Variants in MTA3 observed in about 807,000 individuals in gnomAD.
MTA3 encodes metastasis associated 1 family member 3, also known as metastasis-associated protein MTA3.
MTA3 carries 34 observed loss-of-function variants against 83.5 expected under a neutral mutation model. The ratio of observed to expected loss-of-function variants is 0.41; its 90% CI spans 0.31 to 0.54. MTA3 has a LOEUF of 0.54. Ranked by LOEUF, MTA3 falls within the 20% of genes least tolerant of loss-of-function variation. The probability of loss-of-function intolerance (pLI) is 0.33; values close to 1 mark genes in which losing one functional copy is unlikely to be tolerated. For missense variants in MTA3, 761 were observed against 726.4 expected (o/e 1.05, Z -0.55); for synonymous variants, 303 against 252.7 (o/e 1.20, Z -1.89).
intron 9 of MTA3, among the ~76,000 whole-genome samples, chr2:42,684,263 ATCTT>A (rs1459822013): frequency 6.6e-6 from 1 of 152,216 alleles, no homozygotes; most frequent in African/African-American, 2.4e-5. Flanking sequence ...TGAAAATAGA[ATCTT>A]TATAGACCAT....
chr2:42,537,932 AATG>A (rs1474707436), intron 2 of MTA3, among the ~76,000 whole-genome samples: 1 of 152,084 alleles, frequency 6.6e-6, no homozygotes, highest in African/African-American at 2.4e-5. Context: ...AGCAAATAAC[AATG>A]ATAATTTTGA....
At chr2:42,707,855 C>G in intron 12 of MTA3, 48 bp from the exon 13 acceptor site, 1 of 1,455,522 alleles carries the variant, frequency 6.9e-7, no homozygotes, top group Non-Finnish European at 9.1e-7. Context: ...GTTGATGTTA[C>G]AAATTAAATA....
At chr2:42,713,175 G>C (rs1666762256) in intron 14 of MTA3, among the ~76,000 whole-genome samples, 1 of 152,152 alleles carries the variant, frequency 6.6e-6, no homozygotes. Flanking sequence ...AAGTGGTTTG[G>C]GCTGATAACA....
intron 2 of MTA3, among the ~76,000 whole-genome samples, chr2:42,571,449 G>T (rs919745121): frequency 6.7e-6 from 1 of 148,906 alleles, no homozygotes; most frequent in Non-Finnish European, 1.5e-5. Context: ...TCTGAATTCC[G>T]AATATTCTTT....
At chr2:42,712,320 C>T (rs192851858) in intron 14 of MTA3, among the ~76,000 whole-genome samples, 23 of 151,738 alleles carry the variant, frequency 1.5e-4, no homozygotes, top group Non-Finnish European at 3.4e-4. Flanking sequence ...TTTTAAGAGA[C>T]GGTCTTGCTC....
At chr2:42,589,805 T>C (rs1185053012) in intron 3 of MTA3, among the ~76,000 whole-genome samples, 1 of 152,196 alleles carries the variant, frequency 6.6e-6, no homozygotes, top group East Asian at 1.9e-4. Flanking sequence ...GTGAAACTTT[T>C]TGATATCTGG....
At chr2:42,656,489 A>C (rs1689183264) in intron 7 of MTA3, among the ~76,000 whole-genome samples, 187 bp downstream of exon 7, 1 of 152,176 alleles carries the variant, frequency 6.6e-6, no homozygotes, top group African/African-American at 2.4e-5. Context: ...TTAAATGAAA[A>C]TAGTTGTATT....
chr2:42,531,202 G>A (rs1457969000), intron 2 of MTA3, among the ~76,000 whole-genome samples: 1 of 152,112 alleles, frequency 6.6e-6, no homozygotes, highest in African/African-American at 2.4e-5. Flanking sequence ...AAACCTGCCA[G>A]CACCTTTACC....
chr2:42,712,397 A>G lies in MTA3; in HGVS notation c.1525+3301A>G, dbSNP rs376792464. 1.6e-4 allele frequency among the ~76,000 whole-genome samples: 25 copies of G among 152,118 alleles called. No individual in the cohort carries two copies. The East Asian group carries it at 2.1e-3, about 13-fold the overall frequency. On this transcript the variant is annotated intron_variant, in intron 14 of 16. Transcript: ENST00000405094. ...AGTGCAGCCTTGAACTCTGGGGCCC[A>G]AGTGATCCTCTTGGCTTCTGAGTAG... is the stretch of plus-strand genomic sequence containing the variant.
intron 2 of MTA3, among the ~76,000 whole-genome samples, chr2:42,541,614 G>A (rs779416897): frequency 5.3e-5 from 8 of 152,182 alleles, no homozygotes; most frequent in Non-Finnish European, 1.0e-4. Context: ...TAGATGAGGT[G>A]TATTAAGTGT....
At chr2:42,752,147 C>T (rs1669920599) in intron 16 of MTA3, 1 of 470,440 alleles carries the variant, frequency 2.1e-6, no homozygotes, top group Non-Finnish European at 4.4e-6. Context: ...GATTCCTAAA[C>T]TGAATTTATC....
intron 2 of MTA3, among the ~76,000 whole-genome samples, chr2:42,576,140 A>G (rs1448468547): frequency 6.6e-6 from 1 of 152,226 alleles, no homozygotes; most frequent in Non-Finnish European, 1.5e-5. Flanking sequence ...AATGTGAACA[A>G]GATGTACATG....
chr2:42,695,884 ACTTT>A, intron 10 of MTA3, 45 bp downstream of exon 10: 1 of 1,248,166 alleles, frequency 8.0e-7, no homozygotes, highest in Non-Finnish European at 1.1e-6. Context: ...ATTTAAGTGA[ACTTT>A]CTGTTTATAT....
Position 42,735,592 on chromosome 2 carries a change from T to G in MTA3, c.1759+12557T>G, listed in dbSNP as rs72865398. The stretch of plus-strand genomic sequence containing the variant: ...TACTTCCTCTTTAAGAACAATAACT[T>G]TTAGATTTGCCCCTTTGAAGCTATT... On this transcript the variant is annotated intron_variant, in intron 16 of 16. Coordinates refer to ENST00000405094, the MANE Select transcript of MTA3 (RefSeq NM_001330442.2). Among the ~76,000 whole-genome samples, 921 of 152,286 alleles carry G rather than the reference T, an allele frequency of 6.0e-3. 10 individuals are homozygous for G. The highest frequency in any genetic ancestry group is 0.021 in the African/African-American group (852 of 41,560).
chr2:42,733,548 G>A (rs1447313219), intron 16 of MTA3, among the ~76,000 whole-genome samples: 1 of 152,184 alleles, frequency 6.6e-6, no homozygotes, highest in African/African-American at 2.4e-5. Context: ...ATAGGTTTTG[G>A]TATGTTGTAT....
chr2:42,656,249 T>C lies in MTA3; in HGVS notation c.549T>C (p.Asp183=), dbSNP rs765393148. 1 of 1,613,720 alleles carries C rather than the reference T, an allele frequency of 6.2e-7. No individual in the cohort carries two copies. Among genetic ancestry groups the C allele is most frequent in the Non-Finnish European group, 8.5e-7 (1 of 1,179,808 alleles). Residue 183 remains aspartate (D), a synonymous_variant, in exon 7 of 17, where the codon GAT becomes GAC. Transcript: ENST00000405094. ...CAAAATTGGAAGTTAAAGTTTGGGA[T>C]CCAAATAGCCCACTTACGGATCGAC... ...EQSKLEVKVW[D]PNSPLTDRQI... is the part of the protein sequence containing the mutation.
At chr2:42,584,433 G>C (rs1680027802) in intron 3 of MTA3, among the ~76,000 whole-genome samples, 1 of 152,176 alleles carries the variant, frequency 6.6e-6, no homozygotes, top group Non-Finnish European at 1.5e-5. Context: ...CATTTACTCA[G>C]ATTCAAGAGT....
At chr2:42,680,899 A>G (rs1039070117) in intron 8 of MTA3, among the ~76,000 whole-genome samples, 1 of 125,816 alleles carries the variant, frequency 7.9e-6, no homozygotes, top group East Asian at 2.4e-4. Context: ...ATTACAGGCA[A>G]TATGCCACCA....
chr2:42,622,009 C>T lies in MTA3; in HGVS notation c.317+12425C>T, dbSNP rs1167448464. Among the ~76,000 whole-genome samples, 23 of 152,086 alleles carry T rather than the reference C, an allele frequency of 1.5e-4. 1 individual carries two copies. The highest frequency in any genetic ancestry group is 3.9e-4 in the East Asian group (2 of 5,174). On this transcript the variant is annotated intron_variant, in intron 4 of 16. Transcript: ENST00000405094. ...CTCACTTCCCAGACGGGGTGGCGGCCGGGCAGAGGCTGCAGTCTCGGCACT... is the reference window on the plus strand; with the variant it reads ...CTCACTTCCCAGACGGGGTGGCGGCTGGGCAGAGGCTGCAGTCTCGGCACT...
Sources: gnomAD v4.1 joint callset for allele counts (sites outside exome capture counted in the v4.1 genomes callset) on GRCh38, gnomAD v4.1.1 for gene constraint, MANE v1.5 for transcripts, NCBI Gene and HGNC (gene_info 2026-07-23, HGNC 2026-07-21) for gene names.